Variants in HIC1 observed in about 807,000 individuals in gnomAD.
HIC1 encodes HIC ZBTB transcriptional repressor 1.
HIC1 carries 9 observed loss-of-function variants against 26.4 expected under a neutral mutation model. The observed-to-expected ratio is 0.34, with a 90% CI of 0.21 to 0.59. HIC1 has a LOEUF of 0.59. Among genes scored for constraint, HIC1 ranks in the 20% least tolerant of loss-of-function variants. The pLI is 0.82. For missense variants in HIC1, 965 were observed against 1,075.7 expected, an observed-to-expected ratio of 0.90 and a Z score of 1.44; for synonymous variants, 631 against 523.1, an observed-to-expected ratio of 1.21 and a Z score of -2.81.
At position 2,056,966 on chromosome 17, in the gene HIC1, GGCGGCT is replaced by G. The variant is rs745545195; in HGVS notation, c.282_287del (p.Ala97_Ala98del). On this transcript the variant is annotated inframe_deletion, in exon 2 of 2. Transcript: ENST00000619757. The stretch of plus-strand genomic sequence containing the variant: ...CCGGCCGCCTGGCTGACGGCGCAGA[GGCGGCT>G]GCGGCCGCGGCCGTGGCCCCGGGGG... 1.3e-6 allele frequency: 2 copies of G among 1,590,164 alleles called. No individual in the cohort carries two copies. Among genetic ancestry groups the G allele is most frequent in the Non-Finnish European group, 1.7e-6 (2 of 1,170,436 alleles).
rs1209182162 is a variant in HIC1 at position 2,059,614 on chromosome 17, T to C, written c.*779T>C. 6.0e-6 allele frequency: 1 copy of C among 167,080 alleles called. No individual in the cohort carries two copies. The highest frequency in any genetic ancestry group is 1.5e-5 in the Non-Finnish European group (1 of 68,150). The allele number at this position is 167,080 out of a possible 1,614,324, so 10.3% of individuals were successfully genotyped here. A position where few individuals can be genotyped will look rare whatever the true frequency, so the allele number is the denominator to read the frequency against. On this transcript the variant is annotated 3_prime_UTR_variant, in exon 2 of 2. Transcript: ENST00000619757. ...CTCTTCGTTTGTATATTTCCTACCT[T>C]GTACACAGGCTCTTCCAGAGCCGCT...
chr17:2,057,496 C>T lies in HIC1; in HGVS notation c.806C>T (p.Ser269Leu). Residue 269 changes from serine to leucine, a missense_variant, in exon 2 of 2, where the codon TCG becomes TTG. By Grantham distance (145) the Ser-to-Leu change is moderately radical (BLOSUM62 -2). Coordinates refer to ENST00000619757, the MANE Select transcript of HIC1 (RefSeq NM_006497.4). ...AAGGAGCCGCCTCTCGCCCTGCCGT[C>T]GCTGCCGCCGCTGCCCTTCCAGAAG... ...AYKEPPLALP[S>L]LPPLPFQKLE... The T allele has an allele frequency of 6.7e-7, 1 of 1,485,590 alleles. No individual in the cohort carries two copies. The highest frequency in any genetic ancestry group is 8.9e-7 in the Non-Finnish European group (1 of 1,124,228). The allele number at this position is 1,485,590 out of a possible 1,614,324, so 92.0% of individuals were successfully genotyped here. A position where few individuals can be genotyped will look rare whatever the true frequency, so the allele number is the denominator to read the frequency against.
rs144129895 is a variant in HIC1 at position 2,061,582 on chromosome 17, C to T, written c.*2747C>T. ...CCTTCACACGCAGGTTCCGGTCATC[C>T]GTCAACAGCACCACCTCCCGCAGTA... is the stretch of plus-strand genomic sequence containing the variant. On this transcript the variant is annotated 3_prime_UTR_variant, in exon 2 of 2. Coordinates refer to ENST00000619757, the MANE Select transcript of HIC1 (RefSeq NM_006497.4). The T allele has an allele frequency of 1.1e-5, 17 of 1,572,508 alleles. No individual in the cohort carries two copies. The highest frequency in any genetic ancestry group is 5.4e-5 in the African/African-American group (4 of 73,826).
chr17:2,057,108 CGGG>C lies in HIC1; in HGVS notation c.420_422del (p.Gly148del). 1 of 1,331,332 alleles carries C rather than the reference CGGG, an allele frequency of 7.5e-7. No individual in the cohort carries two copies. 82.5% of individuals were successfully genotyped at this position (1,331,332 alleles called of 1,614,324 possible). A position where few individuals can be genotyped will look rare whatever the true frequency, so the allele number is the denominator to read the frequency against. The stretch of plus-strand genomic sequence containing the variant: ...GCGCCACGGCAAGTACTGCCACCTG[CGGG>C]GCGGCGGCGGCGGCGGCGGCGGCTA... On this transcript the variant is annotated inframe_deletion, in exon 2 of 2. Transcript: ENST00000619757.
Position 2,057,280 on chromosome 17 carries a change from C to T in HIC1, c.590C>T (p.Ala197Val). Residue 197 changes from alanine (A) to valine (V), a missense_variant, in exon 2 of 2, where the codon GCC (alanine) becomes GTC (valine). Around this residue, in one of 6 missense-constraint regions of HIC1, gnomAD observed 526 missense variants for 525.0 expected, o/e 1.00. Transcript: ENST00000619757. ...GAGGCCGCGGTCAACACGCACTGCGCCGAGCTGTACGCGTCGGGACCCGGC... is the reference window on the plus strand; with the variant it reads ...GAGGCCGCGGTCAACACGCACTGCGTCGAGCTGTACGCGTCGGGACCCGGC... ...GPEAAVNTHC[A>V]ELYASGPGPA... 4.7e-6 allele frequency: 7 copies of T among 1,480,844 alleles called. No individual in the cohort carries two copies. Among genetic ancestry groups the T allele is most frequent in the Non-Finnish European group, 6.2e-6 (7 of 1,123,050 alleles). 91.7% of individuals were successfully genotyped at this position (1,480,844 alleles called of 1,614,324 possible).
intron 1 of HIC1, chr17:2,056,466 C>G: frequency 7.4e-7 from 1 of 1,348,158 alleles, no homozygotes; most frequent in South Asian, 1.2e-5. Flanking sequence ...GGCGGCCGCT[C>G]ACCTCCTGCT....
In HIC1 at chr17:2,058,596, C is replaced by T; in HGVS notation, c.1906C>T (p.Leu636Phe). Residue 636 changes from leucine to phenylalanine, a missense_variant, in exon 2 of 2, where the codon CTC (leucine) becomes TTC (phenylalanine). Around this residue, in one of 6 missense-constraint regions of HIC1, gnomAD observed 210 missense variants for 179.2 expected, o/e 1.17. Coordinates refer to ENST00000619757, the MANE Select transcript of HIC1 (RefSeq NM_006497.4). ...FPEGVFAVARLTAEQLSLKQQ... is the reference protein window; with the variant it reads ...FPEGVFAVARFTAEQLSLKQQ... ...CGAGGGCGTCTTTGCTGTGGCTCGCCTCACGGCCGAGCAGCTGAGCCTGAA... is the reference window on the plus strand; with the variant it reads ...CGAGGGCGTCTTTGCTGTGGCTCGCTTCACGGCCGAGCAGCTGAGCCTGAA... 1.3e-6 allele frequency: 2 copies of T among 1,552,364 alleles called. No homozygotes were observed. The highest frequency in any genetic ancestry group is 1.7e-6 in the Non-Finnish European group (2 of 1,157,438).
At position 2,059,016 on chromosome 17, in the gene HIC1, G is replaced by C; in HGVS notation, c.*181G>C. On this transcript the variant is annotated 3_prime_UTR_variant, in exon 2 of 2. Coordinates refer to ENST00000619757, the MANE Select transcript of HIC1 (RefSeq NM_006497.4). ...TGCTTCGTGCCTTAGCTCGGGGGTC[G>C]GGGGAGAACCCCGGGACGGGGGTGG... 1 of 532,162 alleles carries C rather than the reference G, an allele frequency of 1.9e-6. No homozygotes were observed. The highest frequency in any genetic ancestry group is 3.2e-6 in the Non-Finnish European group (1 of 311,540). The allele number at this position is 532,162 out of a possible 1,614,324, so 33.0% of individuals were successfully genotyped here. A position where few individuals can be genotyped will look rare whatever the true frequency, so the allele number is the denominator to read the frequency against.
chr17:2,058,497 G>A lies in HIC1; in HGVS notation c.1807G>A (p.Ala603Thr), dbSNP rs2067697462. The A allele has an allele frequency of 6.8e-7, 1 of 1,478,094 alleles. No homozygotes were observed. 91.6% of individuals were successfully genotyped at this position (1,478,094 alleles called of 1,614,324 possible). A position where few individuals can be genotyped will look rare whatever the true frequency, so the allele number is the denominator to read the frequency against. ...CGCCGTGGGGGGCGCGGCCGGCGCG[G>A]CCGGGGCGCTGGCGGGCTTGGGGGG... ...MHAVGGAAGA[A>T]GALAGLGGLP... Residue 603 changes from alanine to threonine, a missense_variant, in exon 2 of 2, where the codon GCC becomes ACC. This residue lies in a region of HIC1 where 210 missense variants were observed against 179.2 expected (regional missense o/e 1.17). Coordinates refer to ENST00000619757, the MANE Select transcript of HIC1 (RefSeq NM_006497.4).
chr17:2,056,663 C>T lies in HIC1; in HGVS notation c.-20-8C>T, dbSNP rs755109076. ...CGGCTCTCACCCGGCCGGTGTGTGT[C>T]CCCGCAGGAGAGTGTGCTGGGCAGA... On this transcript the variant is annotated splice_polypyrimidine_tract_variant and splice_region_variant and intron_variant, in intron 1 of 1. Transcript: ENST00000619757. The T allele has an allele frequency of 1.3e-6, 2 of 1,540,496 alleles. No individual in the cohort carries two copies. The highest frequency in any genetic ancestry group is 2.7e-5 in the African/African-American group (2 of 73,222).
At position 2,055,981 on chromosome 17, in the gene HIC1, C is replaced by T. The variant is rs2067668383; in HGVS notation, c.-20-690C>T. On this transcript the variant is annotated intron_variant, in intron 1 of 1. Coordinates refer to ENST00000619757, the MANE Select transcript of HIC1 (RefSeq NM_006497.4). This position sits in a 1 kb window ranked among gnomAD's most constrained non-coding sequence, Gnocchi z 6.4. ...TGCGCCGTGCCCGCCCGGGGCGCTGCCCCCTCCCTCCCCTGGGAGCTGCGT... is the reference window on the plus strand; with the variant it reads ...TGCGCCGTGCCCGCCCGGGGCGCTGTCCCCTCCCTCCCCTGGGAGCTGCGT... Among the ~76,000 whole-genome samples, 1 of 133,954 alleles carries T rather than the reference C, an allele frequency of 7.5e-6. No individual in the cohort carries two copies. Among genetic ancestry groups the T allele is most frequent in the African/African-American group, 2.6e-5 (1 of 37,764 alleles). 87.9% of individuals were successfully genotyped at this position (133,954 alleles called of 152,430 possible). A position where few individuals can be genotyped will look rare whatever the true frequency, so the allele number is the denominator to read the frequency against.
At chr17:2,056,418 C>A in intron 1 of HIC1, 2 of 1,512,504 alleles carry the variant, frequency 1.3e-6, no homozygotes, top group East Asian at 2.3e-5. Context: ...CAGCCAGGTG[C>A]CCTGGGGCGT....
Position 2,057,314 on chromosome 17 carries a change from C to CT in HIC1, c.624_625insT (p.Ala209CysfsTer34). On this transcript the variant is annotated frameshift_variant, in exon 2 of 2. Transcript: ENST00000619757. LOFTEE classifies it low-confidence loss of function (END_TRUNC). ...ACGCGTCGGGACCCGGCCCGGCCGC[C>CT]GCACTCTGTGCCTCGGAGCGCCGCT... The CT allele has an allele frequency of 6.7e-7, 1 of 1,503,204 alleles. No individual in the cohort carries two copies. The highest frequency in any genetic ancestry group is 8.8e-7 in the Non-Finnish European group (1 of 1,134,830). The allele number at this position is 1,503,204 out of a possible 1,614,324, so 93.1% of individuals were successfully genotyped here. A position where few individuals can be genotyped will look rare whatever the true frequency, so the allele number is the denominator to read the frequency against.
Position 2,057,545 on chromosome 17 carries a change from C to T in HIC1, c.855C>T (p.Ser285=), listed in dbSNP as rs751980872. The part of the protein sequence containing the change: ...FQKLEEAAPP[S]DPFRGGSGSP... ...AGCTGGAGGAGGCCGCACCGCCTTC[C>T]GACCCATTTCGCGGCGGCAGCGGCA... The change falls in exon 2 of 2, where the codon TCC becomes TCT. Residue 285 remains serine, a synonymous_variant. Coordinates refer to ENST00000619757, the MANE Select transcript of HIC1 (RefSeq NM_006497.4). 7 of 1,499,810 alleles carry T rather than the reference C, an allele frequency of 4.7e-6. No individual in the cohort carries two copies. Among genetic ancestry groups the T allele is most frequent in the South Asian group, 1.2e-5 (1 of 81,158 alleles). 92.9% of individuals were successfully genotyped at this position (1,499,810 alleles called of 1,614,324 possible).
At chr17:2,056,321 T>C in intron 1 of HIC1, 1 of 1,613,618 alleles carries the variant, frequency 6.2e-7, no homozygotes, top group Non-Finnish European at 8.5e-7. Context: ...TGACTTTTCC[T>C]GAAGCGGACA....
rs886421097 is a variant in HIC1, at chr17:2,057,646, T to G, written c.956T>G (p.Leu319Arg). The G allele has an allele frequency of 1.3e-6, 2 of 1,514,754 alleles. No homozygotes were observed. Among genetic ancestry groups the G allele is most frequent in the African/African-American group, 2.9e-5 (2 of 69,580 alleles). The allele number at this position is 1,514,754 out of a possible 1,614,324, so 93.8% of individuals were successfully genotyped here. Reference sequence around the variant, plus strand: ...CGCTGGATGAAGCACGAGCCGGGCCTGGGTAGCTATGGCGACGAGCTGGGC... The same window carrying G: ...CGCTGGATGAAGCACGAGCCGGGCCGGGGTAGCTATGGCGACGAGCTGGGC... ...LYRWMKHEPG[L>R]GSYGDELGRE... The change falls in exon 2 of 2, where the codon CTG (leucine) becomes CGG (arginine). Residue 319 changes from leucine to arginine, a missense_variant. Physicochemically the swap from Leu to Arg is moderately radical, Grantham distance 102 (BLOSUM62 -2). Transcript: ENST00000619757.
Position 2,058,656 on chromosome 17 carries a change from G to C in HIC1, c.1966G>C (p.Ala656Pro). Residue 656 changes from alanine to proline, a missense_variant, in exon 2 of 2, where the codon GCG becomes CCG. This residue lies in a region of HIC1 where 210 missense variants were observed against 179.2 expected (regional missense o/e 1.17). Coordinates refer to ENST00000619757, the MANE Select transcript of HIC1 (RefSeq NM_006497.4). The stretch of plus-strand genomic sequence containing the variant: ...CAAGGCGGCCGCGGCCGAGCTGCTG[G>C]CGCAGACCACGCACTTCCTGCACGA... ...QDKAAAAELLAQTTHFLHDPK... is the reference protein window; with the variant it reads ...QDKAAAAELLPQTTHFLHDPK... 6.4e-7 allele frequency: 1 copy of C among 1,564,136 alleles called. No homozygotes were observed. Among genetic ancestry groups the C allele is most frequent in the South Asian group, 1.2e-5 (1 of 85,324 alleles).
At chr17:2,056,188 G>A (rs2067670670) in intron 1 of HIC1, 2 of 869,134 alleles carry the variant, frequency 2.3e-6, no homozygotes, top group South Asian at 1.4e-5. Flanking sequence ...GCGGCGCCAG[G>A]GCGGGCACCG....
At position 2,061,781 on chromosome 17, in the gene HIC1, C is replaced by G. The variant is rs1280354514; in HGVS notation, c.*2946C>G. On this transcript the variant is annotated 3_prime_UTR_variant, in exon 2 of 2. Transcript: ENST00000619757. ...TTTCCTCCGTCCGGGCTCTCAGCCC[C>G]GGGGACCCTCCCCTGCTGGCCTAGA... 2 of 827,528 alleles carry G rather than the reference C, an allele frequency of 2.4e-6. No individual in the cohort carries two copies. The highest frequency in any genetic ancestry group is 2.8e-5 in the East Asian group (1 of 36,130). The allele number at this position is 827,528 out of a possible 1,614,324, so 51.3% of individuals were successfully genotyped here.
Sources: allele counts gnomAD v4.1 joint callset (sites outside exome capture counted in the v4.1 genomes callset), GRCh38; gene constraint gnomAD v4.1.1; regional missense constraint gnomAD v4.1.1; non-coding constraint Gnocchi (gnomAD v3.1); transcripts MANE v1.5; gene names NCBI Gene and HGNC (gene_info 2026-07-23, HGNC 2026-07-21).